The following GLIS3 variants were observed in gnomAD, a reference collection of about 807,000 sequenced individuals.
GLIS3 encodes zinc finger protein GLIS3.
GLIS3 carries 53 observed loss-of-function variants against 78.6 expected under a neutral mutation model. The observed-to-expected ratio is 0.67, with a 90% confidence interval of 0.54 to 0.85. GLIS3 has a LOEUF of 0.85. Among genes scored for constraint, GLIS3 ranks in the 40% least tolerant of loss-of-function variants. The pLI, the probability that GLIS3 is intolerant of heterozygous loss-of-function variation, is 0.00. For missense variants in GLIS3, 1,703 were observed against 1,231.1 expected (o/e 1.38, Z -5.74); for synonymous variants, 684 against 509.9 (o/e 1.34, Z -4.60).
chr9:4,441,668 G>A, the GLIS3 span, among the ~76,000 whole-genome samples: 1 of 152,124 alleles, frequency 6.6e-6, no homozygotes, highest in Non-Finnish European at 1.5e-5. Context: ...ATGCAGTCAT[G>A]TGATCTCGGC....
chr9:4,234,602 A>G (rs556279177), intron 2 of GLIS3, among the ~76,000 whole-genome samples: 18 of 152,228 alleles, frequency 1.2e-4, no homozygotes, highest in Non-Finnish European at 2.2e-4. Flanking sequence ...AGTTTGAAAT[A>G]TTACTAGAAT....
chr9:3,888,141 A>C (rs540716768), intron 7 of GLIS3, among the ~76,000 whole-genome samples: 2 of 152,144 alleles, frequency 1.3e-5, no homozygotes, highest in Non-Finnish European at 2.9e-5. Context: ...AAAAAAGGAG[A>C]AAGACGGGGT....
chr9:3,919,634 T>G lies in GLIS3; in HGVS notation c.1983+12726A>C, dbSNP rs1262968598. Among the ~76,000 whole-genome samples the G allele has an allele frequency of 2.1e-5, 3 of 143,866 alleles. No homozygotes were observed. In the Admixed American group the frequency reaches 2.1e-4, roughly 10 times the overall value. The allele number at this position is 143,866 out of a possible 152,430, so 94.4% of individuals were successfully genotyped here. A position where few individuals can be genotyped will look rare whatever the true frequency, so the allele number is the denominator to read the frequency against. On this transcript the variant is annotated intron_variant, in intron 6 of 10. Transcript: ENST00000381971. ...TGCACATGTACCCCTGAACTTAAAG[T>G]AGAAGTTAAAAAATAAAAAAAAAAA...
chr9:4,467,015 C>T, the GLIS3 span, among the ~76,000 whole-genome samples: 2 of 152,212 alleles, frequency 1.3e-5, no homozygotes, highest in African/African-American at 4.8e-5. Context: ...GTCCCATGCC[C>T]ACGGTGCCTC....
At chr9:4,320,549 A>C (rs1817509136) in intron 2 of GLIS3, among the ~76,000 whole-genome samples, 1 of 151,994 alleles carries the variant, frequency 6.6e-6, no homozygotes, top group African/African-American at 2.4e-5. Context: ...AAATATTCTC[A>C]AATCTGTCTG....
chr9:4,330,117 G>C (rs1332159006), intron 2 of GLIS3, among the ~76,000 whole-genome samples: 3 of 152,188 alleles, frequency 2.0e-5, no homozygotes, highest in African/African-American at 7.2e-5. Flanking sequence ...AGGAAATTCA[G>C]TGTAGACTCC....
chr9:4,390,264 T>C, the GLIS3 span, among the ~76,000 whole-genome samples: 1 of 152,260 alleles, frequency 6.6e-6, no homozygotes, highest in African/African-American at 2.4e-5. Flanking sequence ...ATTCATAATA[T>C]GCATAGGGTG....
At chr9:4,152,051 C>CA in intron 2 of GLIS3, 5 of 684,956 alleles carry the variant, frequency 7.3e-6, no homozygotes, top group Non-Finnish European at 9.0e-6. Context: ...CAAACCCTCC[C>CA]AGTCTCATAT....
At chr9:3,897,487 G>A (rs372719126) in intron 7 of GLIS3, among the ~76,000 whole-genome samples, 6 of 152,146 alleles carry the variant, frequency 3.9e-5, no homozygotes, top group African/African-American at 1.4e-4. Flanking sequence ...TGGTAACACT[G>A]CACATTGATA....
the GLIS3 span, among the ~76,000 whole-genome samples, chr9:4,383,613 G>A: frequency 2.5e-5 from 1 of 40,776 alleles, no homozygotes; most frequent in Admixed American, 2.2e-4. Flanking sequence ...TTCTCTGGAT[G>A]CAGAAAAAAA....
chr9:4,083,759 C>T (rs1564024470), intron 4 of GLIS3, among the ~76,000 whole-genome samples: 1 of 152,152 alleles, frequency 6.6e-6, no homozygotes, highest in Non-Finnish European at 1.5e-5. Context: ...GCAGAAAGTG[C>T]AAGGAGAGCT....
At chr9:4,446,849 G>A in the GLIS3 span, among the ~76,000 whole-genome samples, 2 of 151,890 alleles carry the variant, frequency 1.3e-5, no homozygotes, top group Non-Finnish European at 2.9e-5. Context: ...CTTTCATTGT[G>A]TGACCTCTGC....
intron 4 of GLIS3, among the ~76,000 whole-genome samples, chr9:4,089,189 T>G (rs1829292193): frequency 6.6e-6 from 1 of 152,230 alleles, no homozygotes; most frequent in Admixed American, 6.5e-5. Flanking sequence ...TGTGGAAGTT[T>G]AAACTCAGGT....
chr9:4,405,923 A>G, the GLIS3 span, among the ~76,000 whole-genome samples: 2 of 152,276 alleles, frequency 1.3e-5, no homozygotes, highest in Non-Finnish European at 2.9e-5. Flanking sequence ...ACATACGTCC[A>G]TCAATGTGAC....
At chr9:4,188,247 G>A (rs1048620715) in intron 2 of GLIS3, among the ~76,000 whole-genome samples, 2 of 151,452 alleles carry the variant, frequency 1.3e-5, no homozygotes, top group African/African-American at 4.9e-5. Flanking sequence ...TGCATCTATT[G>A]AGATAATCAT....
chr9:3,847,234 A>AG (rs918456160), intron 9 of GLIS3, among the ~76,000 whole-genome samples: 3 of 152,082 alleles, frequency 2.0e-5, no homozygotes, highest in African/African-American at 7.2e-5. Flanking sequence ...TAAAATAAAG[A>AG]GGGGGCAGAG....
chr9:4,194,759 TGA>T (rs1818653963), intron 2 of GLIS3, among the ~76,000 whole-genome samples: 1 of 152,210 alleles, frequency 6.6e-6, no homozygotes, highest in Non-Finnish European at 1.5e-5. Flanking sequence ...ACCTTTCCAC[TGA>T]AGCTCCGGGC....
chr9:4,407,578 C>T, the GLIS3 span, among the ~76,000 whole-genome samples: 4 of 152,140 alleles, frequency 2.6e-5, no homozygotes, highest in East Asian at 1.9e-4. Context: ...ACCCGGGAGG[C>T]GGAGCTTGCG....
At chr9:4,135,853 C>G (rs1833367805) in intron 2 of GLIS3, among the ~76,000 whole-genome samples, 1 of 152,174 alleles carries the variant, frequency 6.6e-6, no homozygotes, top group African/African-American at 2.4e-5. Context: ...TTCATGAATA[C>G]TCCTCCTTAG....
Sources: allele counts gnomAD v4.1 joint callset (sites outside exome capture counted in the v4.1 genomes callset), GRCh38; gene constraint gnomAD v4.1.1; transcripts MANE v1.5; gene names NCBI Gene and HGNC (gene_info 2026-07-23, HGNC 2026-07-21).